The following NME7 variants were observed in gnomAD, a reference collection of about 807,000 sequenced individuals.
NME7 encodes the protein NME/NM23 family member 7, also known as nucleoside diphosphate kinase 7.
Under a neutral mutation model 49.1 loss-of-function variants are expected in NME7, and 41 were observed. The ratio of observed to expected loss-of-function variants is 0.83; its 90% confidence interval spans 0.65 to 1.08. The LOEUF (loss-of-function observed/expected upper bound fraction) is 1.08, where lower values mean the gene tolerates loss of function less well. Ranked by LOEUF, NME7 falls within the 50% of genes least tolerant of loss-of-function variation. The pLI, the probability that NME7 is intolerant of heterozygous loss-of-function variation, is 0.00. For missense variants in NME7, 423 were observed against 463.4 expected (o/e 0.91, Z 0.80); for synonymous variants, 139 against 150.6 (o/e 0.92, Z 0.56).
rs547847594 is a variant in NME7 at position 169,201,744 on chromosome 1, G to T, written c.990+28974C>A. On this transcript the variant is annotated intron_variant, in intron 10 of 11. Transcript: ENST00000367811. ...ATGGGATCTGCTTGCCTGTAGGATT[G>T]TTCTTGTAGAGATACTAATAGCCAG... 4.8e-4 allele frequency among the ~76,000 whole-genome samples: 73 copies of T among 152,224 alleles called. 1 individual carries two copies. Among genetic ancestry groups the T allele is most frequent in the Admixed American group, 1.3e-3 (20 of 15,280 alleles).
At chr1:169,214,622 A>T (rs1039452844) in intron 10 of NME7, among the ~76,000 whole-genome samples, 7 of 152,262 alleles carry the variant, frequency 4.6e-5, no homozygotes, top group Non-Finnish European at 2.9e-5. Context: ...CTCCAGGACC[A>T]TGTCAAGAAA....
chr1:169,309,907 A>G, intron 4 of NME7, 63 bp downstream of exon 4: 1 of 970,312 alleles, frequency 1.0e-6, no homozygotes, highest in Non-Finnish European at 1.6e-6. Context: ...GACAAGAAAG[A>G]CAGAAAATGA....
chr1:169,340,220 T>A (rs1406467577), intron 1 of NME7, among the ~76,000 whole-genome samples: 2 of 152,112 alleles, frequency 1.3e-5, no homozygotes, highest in East Asian at 3.9e-4. Flanking sequence ...ACAGGGGCAG[T>A]TTCCCCCATG....
At chr1:169,155,548 A>G (rs1659043773) in intron 11 of NME7, among the ~76,000 whole-genome samples, 1 of 152,238 alleles carries the variant, frequency 6.6e-6, no homozygotes, top group South Asian at 2.1e-4. Flanking sequence ...TGCCTTTGGC[A>G]TGCAATAGCA....
At chr1:169,356,552 A>T (rs760085249) in intron 1 of NME7, among the ~76,000 whole-genome samples, 22 of 152,204 alleles carry the variant, frequency 1.4e-4, no homozygotes, top group Non-Finnish European at 1.9e-4. Flanking sequence ...TAAACCAAAA[A>T]GAATTGCTTA....
chr1:169,200,745 A>T (rs1351533009), intron 10 of NME7, among the ~76,000 whole-genome samples: 2 of 152,174 alleles, frequency 1.3e-5, no homozygotes, highest in Non-Finnish European at 2.9e-5. Context: ...CTTCCCAAGG[A>T]AATCACAATA....
intron 10 of NME7, among the ~76,000 whole-genome samples, chr1:169,198,046 A>G (rs1358532027): frequency 6.6e-6 from 1 of 152,086 alleles, no homozygotes; most frequent in African/African-American, 2.4e-5. Flanking sequence ...TAGGCAAAGA[A>G]CTGAATAGGT....
At chr1:169,230,593 T>G (rs1647567350) in intron 10 of NME7, 125 bp downstream of exon 10, 1 of 463,778 alleles carries the variant, frequency 2.2e-6, no homozygotes, top group Admixed American at 4.1e-5. Context: ...CATTTTGAAT[T>G]AAAACTTTGT....
chr1:169,329,934 T>C (rs1486682388), intron 1 of NME7, among the ~76,000 whole-genome samples: 1 of 152,136 alleles, frequency 6.6e-6, no homozygotes, highest in African/African-American at 2.4e-5. Flanking sequence ...GAAAGAATTC[T>C]AAAAGCAGCA....
chr1:169,157,219 T>G lies in NME7; in HGVS notation c.1098+12228A>C, dbSNP rs558572282. Among the ~76,000 whole-genome samples, 32 of 152,260 alleles carry G rather than the reference T, an allele frequency of 2.1e-4. No homozygotes were observed. In the East Asian group the frequency reaches 4.1e-3, roughly 19 times the overall value. Reference sequence around the variant, plus strand: ...AGAGAGAGAGGGTATGGAGGTGCACTGTCCCCATTCATGATATATTCCCAC... The same window carrying G: ...AGAGAGAGAGGGTATGGAGGTGCACGGTCCCCATTCATGATATATTCCCAC... On this transcript the variant is annotated intron_variant, in intron 11 of 11. Transcript: ENST00000367811.
chr1:169,218,753 G>A (rs1337624230), intron 10 of NME7, among the ~76,000 whole-genome samples: 1 of 147,920 alleles, frequency 6.8e-6, no homozygotes, highest in Non-Finnish European at 1.5e-5. Flanking sequence ...CTGGGAAAGA[G>A]GAAAAATCCT....
intron 4 of NME7, among the ~76,000 whole-genome samples, chr1:169,305,537 T>C (rs940175987): frequency 6.6e-6 from 1 of 152,232 alleles, no homozygotes; most frequent in African/African-American, 2.4e-5. Context: ...TTATCGGGTA[T>C]GCCAAGAATG....
Position 169,350,745 on chromosome 1 carries a change from T to C in NME7, c.3+16963A>G, listed in dbSNP as rs143324921. Among the ~76,000 whole-genome samples the C allele has an allele frequency of 2.9e-4, 44 of 152,220 alleles. No individual in the cohort carries two copies. The South Asian group carries it at 4.6e-3, about 16-fold the overall frequency. On this transcript the variant is annotated intron_variant, in intron 1 of 11. Coordinates refer to ENST00000367811, the MANE Select transcript of NME7 (RefSeq NM_013330.5). ...GAAGTGATGTGAGCACTTACTGATA[T>C]GGTATTAACTAAATAAACTTTGTAA...
intron 7 of NME7, among the ~76,000 whole-genome samples, chr1:169,281,472 A>G (rs1650009864): frequency 6.6e-6 from 1 of 152,204 alleles, no homozygotes; most frequent in African/African-American, 2.4e-5. Flanking sequence ...TGCCCTGGCC[A>G]GAACATCCAA....
intron 10 of NME7, among the ~76,000 whole-genome samples, chr1:169,201,717 G>A (rs1261126312): frequency 6.6e-6 from 1 of 152,100 alleles, no homozygotes; most frequent in Non-Finnish European, 1.5e-5. Flanking sequence ...CAAGGAAGGA[G>A]AATGGGATCT....
At chr1:169,193,176 TG>T (rs1553244481) in intron 10 of NME7, among the ~76,000 whole-genome samples, 1 of 152,068 alleles carries the variant, frequency 6.6e-6, no homozygotes, top group Non-Finnish European at 1.5e-5. Context: ...AGATCATGCT[TG>T]TACATACTTA....
chr1:169,325,135 C>G (rs138849803), intron 1 of NME7, among the ~76,000 whole-genome samples: 54 of 152,074 alleles, frequency 3.6e-4, no homozygotes, highest in African/African-American at 1.3e-3. Flanking sequence ...CCAAGGAAGA[C>G]TAGAAAAGCC....
Position 169,275,174 on chromosome 1 carries a change from G to A in NME7, c.754+12129C>T, listed in dbSNP as rs921050144. ...ATGGTTTGTAGTTCTCCTTGAAGAG[G>A]TCCTTCACGTCCCTTATAAGTCGGA... On this transcript the variant is annotated intron_variant, in intron 7 of 11. Transcript: ENST00000367811. Among the ~76,000 whole-genome samples, 7 of 131,270 alleles carry A rather than the reference G, an allele frequency of 5.3e-5. 1 individual carries two copies. The highest frequency in any genetic ancestry group is 8.9e-5 in the Non-Finnish European group (5 of 56,222). 86.1% of individuals were successfully genotyped at this position (131,270 alleles called of 152,430 possible).
At position 169,162,177 on chromosome 1, in the gene NME7, G is replaced by A. The variant is rs1305294638; in HGVS notation, c.1098+7270C>T. On this transcript the variant is annotated intron_variant, in intron 11 of 11. Coordinates refer to ENST00000367811, the MANE Select transcript of NME7 (RefSeq NM_013330.5). ...AAAACCTTAACCTTTGATCCTTTGG[G>A]GAGACTGATTTGAGTAATAATTCCA... Among the ~76,000 whole-genome samples, 52 of 152,076 alleles carry A rather than the reference G, an allele frequency of 3.4e-4. 1 individual carries two copies. Among genetic ancestry groups the A allele is most frequent in the Admixed American group, 3.4e-3 (52 of 15,268 alleles).
Sources: gnomAD v4.1 joint callset for allele counts (sites outside exome capture counted in the v4.1 genomes callset) on GRCh38, gnomAD v4.1.1 for gene constraint, MANE v1.5 for transcripts, NCBI Gene and HGNC (gene_info 2026-07-23, HGNC 2026-07-21) for gene names.